ZNF735: variants seen among roughly 807,000 people sequenced by gnomAD.
ZNF735 encodes the protein zinc finger protein 735.
Under a neutral mutation model 13.4 loss-of-function variants are expected in ZNF735, and 11 were observed. The observed-to-expected ratio is 0.82, with a 90% confidence interval of 0.52 to 1.36. ZNF735 has a LOEUF of 1.36. Among genes scored for constraint, ZNF735 ranks in the 40% most tolerant of loss-of-function variants. The probability of loss-of-function intolerance (pLI) is 0.00; values close to 1 mark genes in which losing one functional copy is unlikely to be tolerated. For missense variants in ZNF735, 500 were observed against 484.6 expected, an observed-to-expected ratio of 1.03 and a Z score of -0.30; for synonymous variants, 171 against 162.6, an observed-to-expected ratio of 1.05 and a Z score of -0.39.
At chr7:64,219,092 G>C (rs10224509) in intron 3 of ZNF735, among the ~76,000 whole-genome samples, 92,683 of 151,910 alleles carry the variant, frequency 0.61, 28,468 homozygotes, top group African/African-American at 0.66. Flanking sequence ...TGACATTGTG[G>C]TCACATGGTG....
intron 1 of ZNF735, among the ~76,000 whole-genome samples, chr7:64,211,455 G>A (rs2116479982): frequency 6.6e-6 from 1 of 152,278 alleles, no homozygotes; most frequent in African/African-American, 2.4e-5. Flanking sequence ...AAAACTATTA[G>A]GAGATACTTG....
At chr7:64,214,880 G>C (rs1787401459) in intron 3 of ZNF735, among the ~76,000 whole-genome samples, 1 of 151,210 alleles carries the variant, frequency 6.6e-6, no homozygotes, top group Non-Finnish European at 1.5e-5. Context: ...CATCAACATA[G>C]TTGGTGTTTT....
Position 64,213,088 on chromosome 7 carries a change from TC to T in ZNF735, c.40-3del, listed in dbSNP as rs754662775. On this transcript the variant is annotated splice_polypyrimidine_tract_variant and splice_region_variant and intron_variant, in intron 1 of 3. Coordinates refer to ENST00000429565, the Ensembl canonical transcript of ZNF735. ...TTCATGAGGTTTTTCTTTTTTTTTT[TC>T]AGGGACTGTTGACATTCAGAGACAT... 3 of 1,609,386 alleles carry T rather than the reference TC, an allele frequency of 1.9e-6. No homozygotes were observed. Among genetic ancestry groups the T allele is most frequent in the Non-Finnish European group, 2.5e-6 (3 of 1,177,878 alleles).
chr7:64,219,190 G>A, intron 3 of ZNF735, 124 bp from the exon 4 acceptor site: 1 of 1,201,638 alleles, frequency 8.3e-7, no homozygotes, highest in Non-Finnish European at 1.1e-6. Flanking sequence ...AAGGAATTAT[G>A]GCCTGTGGTA....
chr7:64,214,907 G>T (rs979256197), intron 3 of ZNF735, among the ~76,000 whole-genome samples: 31 of 151,568 alleles, frequency 2.0e-4, no homozygotes, highest in African/African-American at 7.5e-4. Flanking sequence ...AAATTATAGT[G>T]GTCATCCTAA....
chr7:64,213,239 T>G (rs760616139), intron 2 of ZNF735, 21 bp downstream of exon 2: 2 of 1,569,904 alleles, frequency 1.3e-6, no homozygotes, highest in South Asian at 2.4e-5. Flanking sequence ...CCTCAATACA[T>G]AATTCCTAAT....
At chr7:64,212,421 C>T (rs776140205) in intron 1 of ZNF735, among the ~76,000 whole-genome samples, 2 of 152,168 alleles carry the variant, frequency 1.3e-5, no homozygotes, top group Non-Finnish European at 2.9e-5. Context: ...TTAAGAGGTA[C>T]CTTCCAACTC....
chr7:64,216,650 G>C (rs1365033599), intron 3 of ZNF735, among the ~76,000 whole-genome samples: 2 of 151,086 alleles, frequency 1.3e-5, no homozygotes, highest in South Asian at 4.2e-4. Flanking sequence ...CTGTTGCCCA[G>C]ACTGTAGTGC....
intron 1 of ZNF735, among the ~76,000 whole-genome samples, chr7:64,209,528 T>G (rs1787332840): frequency 6.6e-6 from 1 of 152,122 alleles, no homozygotes; most frequent in South Asian, 2.1e-4. Flanking sequence ...GGTTTCACCA[T>G]CTTGGCCAGG....
At chr7:64,214,395 A>G (rs1223480204) in intron 3 of ZNF735, among the ~76,000 whole-genome samples, 3 of 152,166 alleles carry the variant, frequency 2.0e-5, no homozygotes, top group Admixed American at 2.0e-4. Context: ...GGGACTGCAC[A>G]AACTGACTAC....
chr7:64,211,802 G>GT (rs1214271270), intron 1 of ZNF735, among the ~76,000 whole-genome samples: 1 of 150,644 alleles, frequency 6.6e-6, no homozygotes, highest in East Asian at 2.0e-4. Flanking sequence ...GGAGGCGGAG[G>GT]TTGCAGTGAC....
chr7:64,218,521 C>A (rs1787447956), intron 3 of ZNF735, among the ~76,000 whole-genome samples: 2 of 151,618 alleles, frequency 1.3e-5, no homozygotes, highest in African/African-American at 2.4e-5. Flanking sequence ...TTATTCCAAC[C>A]ATTTTGTTGA....
At chr7:64,208,261 T>C (rs1454634858) in intron 1 of ZNF735, among the ~76,000 whole-genome samples, 1 of 65,742 alleles carries the variant, frequency 1.5e-5, no homozygotes, top group East Asian at 4.5e-4. Context: ...TTTTTTTTTT[T>C]TTTTTTTTTT....
intron 3 of ZNF735, among the ~76,000 whole-genome samples, chr7:64,217,938 A>T (rs1187997856): frequency 6.6e-6 from 1 of 152,108 alleles, no homozygotes; most frequent in African/African-American, 2.4e-5. Flanking sequence ...TATCTTTCAA[A>T]TTTTAAAGAA....
intron 3 of ZNF735, among the ~76,000 whole-genome samples, chr7:64,218,304 C>T (rs187754704): frequency 1.3e-5 from 2 of 151,600 alleles, no homozygotes; most frequent in African/African-American, 4.8e-5. Context: ...GAGGACTAGG[C>T]TTATAAATAA....
At chr7:64,214,983 T>C (rs1217667755) in intron 3 of ZNF735, among the ~76,000 whole-genome samples, 1 of 152,162 alleles carries the variant, frequency 6.6e-6, no homozygotes, top group African/African-American at 2.4e-5. Context: ...ATTATTAATT[T>C]TGTGCAACCT....
At chr7:64,209,494 T>A (rs1403872636) in intron 1 of ZNF735, among the ~76,000 whole-genome samples, 1 of 152,072 alleles carries the variant, frequency 6.6e-6, no homozygotes, top group East Asian at 1.9e-4. Flanking sequence ...GCCTAGCTAA[T>A]TTTTGTATTT....
chr7:64,215,375 A>G (rs181224691), intron 3 of ZNF735, among the ~76,000 whole-genome samples: 6 of 152,290 alleles, frequency 3.9e-5, no homozygotes, highest in Non-Finnish European at 7.4e-5. Context: ...GCATTTCTAA[A>G]TCAAGTAATT....
chr7:64,211,836 A>T (rs1235236421), intron 1 of ZNF735, among the ~76,000 whole-genome samples: 3 of 151,294 alleles, frequency 2.0e-5, no homozygotes, highest in African/African-American at 7.3e-5. Flanking sequence ...ATTACACTCT[A>T]GCCTGGGCGA....
Sources: gnomAD v4.1 joint callset for allele counts (sites outside exome capture counted in the v4.1 genomes callset) on GRCh38, gnomAD v4.1.1 for gene constraint, MANE v1.5 for transcripts, NCBI Gene and HGNC (gene_info 2026-07-23, HGNC 2026-07-21) for gene names.